Variants in LCP1 observed in about 807,000 individuals in gnomAD.
The protein encoded by LCP1 is lymphocyte cytosolic protein 1, also known as plastin-2.
In LCP1, 23 loss-of-function variants were observed where a neutral mutation model predicts 72.0. That is an observed-to-expected ratio of 0.32 (90% confidence interval 0.23 to 0.45). The LOEUF (loss-of-function observed/expected upper bound fraction) is 0.45, where lower values mean the gene tolerates loss of function less well. Among genes scored for constraint, LCP1 ranks in the 20% least tolerant of loss-of-function variants. The pLI, the probability that LCP1 is intolerant of heterozygous loss-of-function variation, is 1.00. For synonymous variants in LCP1, 245 were observed against 275.4 expected (o/e 0.89, Z 1.09); for missense variants, 571 against 748.3 (o/e 0.76, Z 2.76).
chr13:46,150,970 C>T lies in LCP1; in HGVS notation c.848G>A (p.Cys283Tyr). 1.2e-6 allele frequency: 2 copies of T among 1,613,942 alleles called. No homozygotes were observed. The highest frequency in any genetic ancestry group is 1.1e-5 in the South Asian group (1 of 91,080). The change falls in exon 8 of 16, where the codon TGC becomes TAC. Residue 283 changes from cysteine to tyrosine, a missense_variant. Cys to Tyr is a radical substitution (Grantham distance 194). Transcript: ENST00000323076. Reference protein sequence around the residue: ...WANYHLENAGCNKIGNFSTDI... With the variant: ...WANYHLENAGYNKIGNFSTDI... ...AGTACTGAAGTTGCCAATTTTGTTG[C>T]AGCCTGCATTTTCCAGGTGGTAATT... is the stretch of plus-strand genomic sequence containing the variant.
intron 1 of LCP1, among the ~76,000 whole-genome samples, chr13:46,170,444 C>T (rs772232996): frequency 2.0e-5 from 3 of 152,130 alleles, no homozygotes; most frequent in South Asian, 2.1e-4. Flanking sequence ...TGCTGGCTGC[C>T]GGTAATGCTT....
intron 7 of LCP1, among the ~76,000 whole-genome samples, chr13:46,152,515 T>C (rs778649912): frequency 1.3e-5 from 2 of 152,214 alleles, no homozygotes; most frequent in Admixed American, 6.5e-5. Flanking sequence ...AAAAAACCTC[T>C]TGAGGTTAGA....
intron 15 of LCP1, among the ~76,000 whole-genome samples, chr13:46,129,561 A>C (rs1052961463): frequency 2.0e-5 from 3 of 152,076 alleles, no homozygotes; most frequent in African/African-American, 7.2e-5. Flanking sequence ...CACACCTCTC[A>C]TCACAATCTA....
At chr13:46,176,136 T>C (rs2045928321) in intron 1 of LCP1, among the ~76,000 whole-genome samples, 1 of 152,214 alleles carries the variant, frequency 6.6e-6, no homozygotes, top group Admixed American at 6.5e-5. Flanking sequence ...GCTCTCATGT[T>C]CTATAGCACT....
rs145872624 is a variant in LCP1, at chr13:46,155,308, C to T, written c.492-422G>A. Among the ~76,000 whole-genome samples the T allele has an allele frequency of 3.0e-3, 463 of 152,234 alleles. 1 individual carries two copies. Among genetic ancestry groups the T allele is most frequent in the African/African-American group, 9.9e-3 (413 of 41,518 alleles). On this transcript the variant is annotated intron_variant, in intron 5 of 15. Coordinates refer to ENST00000323076, the MANE Select transcript of LCP1 (RefSeq NM_002298.5). ...GTCTACATTTCTATTTGACACAGGA[C>T]CAAACTTTGTATCTTCAGCTAATCA...
intron 12 of LCP1, 143 bp downstream of exon 12, chr13:46,143,147 C>G (rs1209287402): frequency 1.7e-6 from 1 of 590,014 alleles, no homozygotes; most frequent in Non-Finnish European, 3.1e-6. Flanking sequence ...TAAAGCTGTT[C>G]AGGTTTCTGA....
Position 46,148,428 on chromosome 13 carries a change from T to C in LCP1, c.902A>G (p.His301Arg). 3 of 1,611,264 alleles carry C rather than the reference T, an allele frequency of 1.9e-6. No individual in the cohort carries two copies. Among genetic ancestry groups the C allele is most frequent in the Non-Finnish European group, 2.5e-6 (3 of 1,179,044 alleles). The change falls in exon 9 of 16, where the codon CAC (histidine) becomes CGC (arginine). Residue 301 changes from histidine (H) to arginine (R), a missense_variant. Transcript: ENST00000323076. Reference sequence around the variant, plus strand: ...TTTTGGAGCCACCTGCTCAAGCAGGTGGTAATAAGCTTTTGAGTCCTGTGA... The same window carrying C: ...TTTTGGAGCCACCTGCTCAAGCAGGCGGTAATAAGCTTTTGAGTCCTGTGA... ...TDIKDSKAYY[H>R]LLEQVAPKGD...
chr13:46,158,667 G>T lies in LCP1; in HGVS notation c.229-16C>A, dbSNP rs1164077376. The T allele has an allele frequency of 1.9e-6, 3 of 1,613,792 alleles. No homozygotes were observed. The African/African-American group carries it at 4.0e-5, about 22-fold the overall frequency. ...CATGGAAAATCTGCAAAAATATAATGTATCTTTAGAAACTCAAGCAGTGAT... is the reference window on the plus strand; with the variant it reads ...CATGGAAAATCTGCAAAAATATAATTTATCTTTAGAAACTCAAGCAGTGAT... On this transcript the variant is annotated splice_polypyrimidine_tract_variant and intron_variant, in intron 3 of 15. Transcript: ENST00000323076.
intron 1 of LCP1, among the ~76,000 whole-genome samples, chr13:46,162,036 T>A: frequency 6.6e-6 from 1 of 152,112 alleles, no homozygotes; most frequent in East Asian, 1.9e-4. Flanking sequence ...CATAGGTATG[T>A]ATATTCTCAT....
chr13:46,127,852 T>TTCTGTC, intron 15 of LCP1, 129 bp from the exon 16 acceptor site: 2 of 1,064,824 alleles, frequency 1.9e-6, no homozygotes, highest in Non-Finnish European at 2.7e-6. Flanking sequence ...CTGGAGTCAG[T>TTCTGTC]CACCAGCATC....
At chr13:46,134,584 T>TA (rs2045652822) in intron 13 of LCP1, among the ~76,000 whole-genome samples, 1 of 152,028 alleles carries the variant, frequency 6.6e-6, no homozygotes, top group South Asian at 2.1e-4. Flanking sequence ...TTAAAAAAGA[T>TA]AAAAAATCAA....
At position 46,142,474 on chromosome 13, in the gene LCP1, A is replaced by T. The variant is rs745829044; in HGVS notation, c.1369-49T>A. On this transcript the variant is annotated intron_variant, in intron 12 of 15. Transcript: ENST00000323076. ...ATTTAACGTCATCATCTTGATTATG[A>T]TAAATACCAGATAAATAATAAAAAT... The T allele has an allele frequency of 2.5e-6, 4 of 1,572,422 alleles. No individual in the cohort carries two copies. In the South Asian group the frequency reaches 4.6e-5, roughly 18 times the overall value.
chr13:46,175,936 T>A (rs1365008921), intron 1 of LCP1, among the ~76,000 whole-genome samples: 1 of 152,208 alleles, frequency 6.6e-6, no homozygotes, highest in South Asian at 2.1e-4. Context: ...AGAATTTATA[T>A]CCCACTCTTC....
chr13:46,177,851 TTGCTGCTGC>T (rs201062904), intron 1 of LCP1, among the ~76,000 whole-genome samples: 2 of 152,000 alleles, frequency 1.3e-5, no homozygotes, highest in South Asian at 2.1e-4. Context: ...ACTGATGCTG[TTGCTGCTGC>T]TGCTGCTGCT....
At chr13:46,144,663 A>C (rs967512688) in intron 10 of LCP1, 143 bp from the exon 11 acceptor site, 43 of 640,418 alleles carry the variant, frequency 6.7e-5, no homozygotes, top group Non-Finnish European at 6.9e-5. Flanking sequence ...GATTTGGACG[A>C]GGGTTCTTAT....
intron 10 of LCP1, among the ~76,000 whole-genome samples, chr13:46,144,960 C>T (rs2045721015): frequency 6.6e-6 from 1 of 152,132 alleles, no homozygotes; most frequent in Admixed American, 6.5e-5. Flanking sequence ...CTAGCAAAAT[C>T]TGGATCAGAA....
chr13:46,140,707 G>A (rs966405684), intron 13 of LCP1, among the ~76,000 whole-genome samples: 2 of 152,108 alleles, frequency 1.3e-5, no homozygotes, highest in African/African-American at 4.8e-5. Flanking sequence ...ATAAGTTACT[G>A]TAATTATTTT....
chr13:46,144,372 G>C lies in LCP1; in HGVS notation c.1253+70C>G, dbSNP rs541161320. 1,451 of 1,153,358 alleles carry C rather than the reference G, an allele frequency of 1.3e-3. 28 individuals carry two copies. The South Asian group carries it at 0.017, about 13-fold the overall frequency. The allele number at this position is 1,153,358 out of a possible 1,614,324, so 71.4% of individuals were successfully genotyped here. ...TTGTGAAGAGAATGCACATCATAGT[G>C]GTATTTGGAATCCTATGGCTCTTTT... On this transcript the variant is annotated intron_variant, in intron 11 of 15. Coordinates refer to ENST00000323076, the MANE Select transcript of LCP1 (RefSeq NM_002298.5).
At chr13:46,145,908 CAAAAAAAAAAAAAAAAAAAAAAA>C (rs527364466) in intron 10 of LCP1, among the ~76,000 whole-genome samples, 5 of 11,360 alleles carry the variant, frequency 4.4e-4, no homozygotes, top group South Asian at 5.2e-3. Flanking sequence ...GACTCCGTCT[CAAAAAAAAAAAAAAAAAAAAAAA>C]AAAAAAAAAA....
Sources: gnomAD v4.1 joint callset for allele counts (sites outside exome capture counted in the v4.1 genomes callset) on GRCh38, gnomAD v4.1.1 for gene constraint, MANE v1.5 for transcripts, NCBI Gene and HGNC (gene_info 2026-07-23, HGNC 2026-07-21) for gene names.